The following CBLN3 variants were observed in gnomAD, a reference collection of about 807,000 sequenced individuals.
CBLN3 encodes cerebellin-3.
Under a neutral mutation model 17.4 loss-of-function variants are expected in CBLN3, and 14 were observed. The observed-to-expected ratio is 0.81, with a 90% confidence interval of 0.53 to 1.26. The LOEUF (loss-of-function observed/expected upper bound fraction) is 1.26, where lower values mean the gene tolerates loss of function less well. Ranked by LOEUF, CBLN3 falls within the 50% of genes most tolerant of loss-of-function variation. The probability of loss-of-function intolerance (pLI) is 0.00; values close to 1 mark genes in which losing one functional copy is unlikely to be tolerated. For synonymous variants in CBLN3, 129 were observed against 117.4 expected, an observed-to-expected ratio of 1.10 and a Z score of -0.64; for missense variants, 263 against 268.5, an observed-to-expected ratio of 0.98 and a Z score of 0.14.
chr14:24,428,823 G>A lies in CBLN3; in HGVS notation c.232C>T (p.Arg78Ter), dbSNP rs775718996. 15 of 1,612,676 alleles carry A rather than the reference G, an allele frequency of 9.3e-6. No individual in the cohort carries two copies. Among genetic ancestry groups the A allele is most frequent in the Non-Finnish European group, 1.3e-5 (15 of 1,179,456 alleles). ...CCTGCTGGCTCATGGTGGTGGCTTC[G>A]GACCGCAGCAAATGCCACTCGCCCA... ...PPGRVAFAAV[R>*]SHHHEPAGET... Residue 78 changes from arginine to a stop codon, truncating the protein, a stop_gained, in exon 1 of 3, where the codon CGA becomes TGA. Coordinates refer to ENST00000267406, the MANE Select transcript of CBLN3 (RefSeq NM_001039771.3). LOFTEE classifies it high-confidence loss of function.
Position 24,429,157 on chromosome 14 carries a change from C to T in CBLN3, c.-103G>A, listed in dbSNP as rs1176727807. 1.6e-6 allele frequency: 2 copies of T among 1,228,958 alleles called. No individual in the cohort carries two copies. Among genetic ancestry groups the T allele is most frequent in the African/African-American group, 1.5e-5 (1 of 65,636 alleles). 76.1% of individuals were successfully genotyped at this position (1,228,958 alleles called of 1,614,324 possible). On this transcript the variant is annotated 5_prime_UTR_variant, in exon 1 of 3. Transcript: ENST00000267406. ...ACCGCCGGCACCCTGATCGTCTGCC[C>T]TCTCTAGGCTCGCTGAACCCCCTCT...
In CBLN3 at chr14:24,428,941, G is replaced by A. The variant is rs371680375; in HGVS notation, c.114C>T (p.Pro38=). Residue 38 remains proline, a synonymous_variant, in exon 1 of 3, where the codon CCC becomes CCT. Transcript: ENST00000267406. ...GAGWAQEGSE[P]VLLEGECLVV... is the part of the protein sequence containing the mutation. ...CCAGGCACTCCCCCTCCAGCAGGAC[G>A]GGCTCTGACCCCTCCTGGGCCCACC... 15 of 1,554,626 alleles carry A rather than the reference G, an allele frequency of 9.6e-6. No individual in the cohort carries two copies. The highest frequency in any genetic ancestry group is 2.7e-5 in the African/African-American group (2 of 73,116).
chr14:24,429,408 G>C lies in CBLN3; in HGVS notation c.-354C>G, dbSNP rs966555658. The C allele has an allele frequency of 1.8e-6, 1 of 564,008 alleles. No individual in the cohort carries two copies. Among genetic ancestry groups the C allele is most frequent in the East Asian group, 4.2e-5 (1 of 23,784 alleles). 34.9% of individuals were successfully genotyped at this position (564,008 alleles called of 1,614,324 possible). On this transcript the variant is annotated 5_prime_UTR_variant, in exon 1 of 3. It introduces an in-frame stop codon into an upstream open reading frame of the 5' UTR. Transcript: ENST00000267406. The stretch of plus-strand genomic sequence containing the variant: ...TGGACCTGGGGGGATGGAGAACATG[G>C]TATGTGTGTGTGACGGGTGTGACAG...
At position 24,427,861 on chromosome 14, in the gene CBLN3, G is replaced by A; in HGVS notation, c.546C>T (p.Arg182=). The change falls in exon 3 of 3, where the codon CGC becomes CGT. Residue 182 remains arginine (R), a synonymous_variant. Transcript: ENST00000267406. The surrounding 1 kb of genome is among the most constrained non-coding windows in gnomAD (Gnocchi z 4.4). ...PLDPGDRVSL[R]LRRGNLLGGW... is the part of the protein sequence containing the mutation. ...CACCCAGTAGATTCCCCCGACGCAGGCGCAGAGACACTCGGTCCCCAGGGT... is the reference window on the plus strand; with the variant it reads ...CACCCAGTAGATTCCCCCGACGCAGACGCAGAGACACTCGGTCCCCAGGGT... 1 of 1,614,134 alleles carries A rather than the reference G, an allele frequency of 6.2e-7. No homozygotes were observed. Among genetic ancestry groups the A allele is most frequent in the East Asian group, 2.2e-5 (1 of 44,880 alleles).
At position 24,426,675 on chromosome 14, in the gene CBLN3, T is replaced by C. The variant is rs978450646; in HGVS notation, c.*1114A>G. 5.9e-5 allele frequency: 9 copies of C among 152,194 alleles called. No individual in the cohort carries two copies. Among genetic ancestry groups the C allele is most frequent in the African/African-American group, 2.2e-4 (9 of 41,446 alleles). 9.4% of individuals were successfully genotyped at this position (152,194 alleles called of 1,614,324 possible). ...TGTCTCACTGACCACCATTCTCTAG[T>C]TGTTTTATTGATAGATTCATCCAGG... On this transcript the variant is annotated 3_prime_UTR_variant, in exon 3 of 3. Coordinates refer to ENST00000267406, the MANE Select transcript of CBLN3 (RefSeq NM_001039771.3).
Position 24,427,812 on chromosome 14 carries a change from C to G in CBLN3, c.595G>C (p.Gly199Arg). The change falls in exon 3 of 3, where the codon GGC becomes CGC. Residue 199 changes from glycine (G) to arginine (R), a missense_variant. By Grantham distance (125) the Gly-to-Arg change is moderately radical. Transcript: ENST00000267406. The surrounding 1 kb of genome is among the most constrained non-coding windows in gnomAD (Gnocchi z 4.4). ...CCTCAGAGAGGGAAGATGAGGAAGC[C>G]AGAGAAACTTGAGTATTTCCAACCA... ...LGGWKYSSFS[G>R]FLIFPL The G allele has an allele frequency of 6.2e-7, 1 of 1,614,066 alleles. No homozygotes were observed. Among genetic ancestry groups the G allele is most frequent in the Non-Finnish European group, 8.5e-7 (1 of 1,179,986 alleles).
chr14:24,427,932 C>T lies in CBLN3; in HGVS notation c.475G>A (p.Asp159Asn), dbSNP rs1325670561. Residue 159 changes from aspartate to asparagine, a missense_variant, in exon 3 of 3, where the codon GAC becomes AAC. Transcript: ENST00000267406. The surrounding 1 kb of genome is among the most constrained non-coding windows in gnomAD (Gnocchi z 4.4). ...PVISAFANDPDVTREAATSSV... is the reference protein window; with the variant it reads ...PVISAFANDPNVTREAATSSV... Reference sequence around the variant, plus strand: ...CTGGTGGCTGCCTCCCGGGTCACGTCAGGATCATTGGCAAAGGCTGAGATG... The same window carrying T: ...CTGGTGGCTGCCTCCCGGGTCACGTTAGGATCATTGGCAAAGGCTGAGATG... 1 of 1,613,908 alleles carries T rather than the reference C, an allele frequency of 6.2e-7. No homozygotes were observed. Among genetic ancestry groups the T allele is most frequent in the Non-Finnish European group, 8.5e-7 (1 of 1,179,914 alleles).
rs2043036124 is a variant in CBLN3, at chr14:24,427,891, G to A, written c.516C>T (p.Pro172=). The change falls in exon 3 of 3, where the codon CCC becomes CCT. Residue 172 remains proline (P), a synonymous_variant. Coordinates refer to ENST00000267406, the MANE Select transcript of CBLN3 (RefSeq NM_001039771.3). This position sits in a 1 kb window ranked among gnomAD's most constrained non-coding sequence, Gnocchi z 4.4. The part of the protein sequence containing the change: ...REAATSSVLL[P]LDPGDRVSLR... ...GAGACACTCGGTCCCCAGGGTCCAA[G>A]GGCAGTAGCACAGAGCTGGTGGCTG... 1 of 1,614,120 alleles carries A rather than the reference G, an allele frequency of 6.2e-7. No individual in the cohort carries two copies. The highest frequency in any genetic ancestry group is 1.3e-5 in the African/African-American group (1 of 75,026).
chr14:24,429,011 C>A lies in CBLN3; in HGVS notation c.44G>T (p.Ser15Ile). 2 of 1,545,912 alleles carry A rather than the reference C, an allele frequency of 1.3e-6. No individual in the cohort carries two copies. The highest frequency in any genetic ancestry group is 1.7e-6 in the Non-Finnish European group (2 of 1,143,842). Residue 15 changes from serine to isoleucine, a missense_variant, in exon 1 of 3, where the codon AGT (serine) becomes ATT (isoleucine). Coordinates refer to ENST00000267406, the MANE Select transcript of CBLN3 (RefSeq NM_001039771.3). Reference protein sequence around the residue: ...KPHWLPGPLHSPGLPLVLVLL... With the variant: ...KPHWLPGPLHIPGLPLVLVLL... ...CACCAGAACCAAGGGCAGCCCGGGA[C>A]TGTGTAGGGGACCTGGTAGCCAGTG...
Position 24,428,398 on chromosome 14 carries a change from A to G in CBLN3, c.308T>C (p.Val103Ala), listed in dbSNP as rs1566493457. ...SGAIYFDQVL[V>A]NEGGGFDRAS... is the part of the protein sequence containing the mutation. ...CCGGTCAAAGCCACCGCCCTCGTTCACCAGGACCTGGGGGAAGCAGAGCCT... is the reference window on the plus strand; with the variant it reads ...CCGGTCAAAGCCACCGCCCTCGTTCGCCAGGACCTGGGGGAAGCAGAGCCT... Residue 103 changes from valine to alanine, a missense_variant, in exon 2 of 3, where the codon GTG becomes GCG. Coordinates refer to ENST00000267406, the MANE Select transcript of CBLN3 (RefSeq NM_001039771.3). The G allele has an allele frequency of 1.2e-6, 2 of 1,613,816 alleles. No individual in the cohort carries two copies. Among genetic ancestry groups the G allele is most frequent in the Non-Finnish European group, 1.7e-6 (2 of 1,179,888 alleles).
Position 24,427,997 on chromosome 14 carries a change from G to T in CBLN3, c.421-11C>A. ...CAGCATCAGGCTCACCTGGGGAGGG[G>T]AGCCCAGTTAGCCCCCATTCCCCAG... On this transcript the variant is annotated splice_polypyrimidine_tract_variant and intron_variant, in intron 2 of 2. Transcript: ENST00000267406. This position sits in a 1 kb window ranked among gnomAD's most constrained non-coding sequence, Gnocchi z 4.4. 6.2e-7 allele frequency: 1 copy of T among 1,611,250 alleles called. No homozygotes were observed.
chr14:24,428,204 T>G (rs2043042426), intron 2 of CBLN3, 82 bp downstream of exon 2: 1 of 1,559,170 alleles, frequency 6.4e-7, no homozygotes, highest in Non-Finnish European at 8.7e-7. Context: ...CAATGGAGAG[T>G]CCACCCGGAG....
rs773414234 is a variant in CBLN3, at chr14:24,428,985, G to A, written c.70C>T (p.Leu24Phe). 5.2e-6 allele frequency: 8 copies of A among 1,550,436 alleles called. No individual in the cohort carries two copies. The highest frequency in any genetic ancestry group is 8.7e-7 in the Non-Finnish European group (1 of 1,146,656). The stretch of plus-strand genomic sequence containing the variant: ...GCCCACCCGGCCCCCAGGGCCAGAA[G>A]CACCAGAACCAAGGGCAGCCCGGGA... ...HSPGLPLVLV[L>F]LALGAGWAQE... Residue 24 changes from leucine to phenylalanine, a missense_variant, in exon 1 of 3, where the codon CTT becomes TTT. Leu to Phe is a conservative substitution (Grantham distance 22, BLOSUM62 0). Coordinates refer to ENST00000267406, the MANE Select transcript of CBLN3 (RefSeq NM_001039771.3).
In CBLN3 at chr14:24,429,577, G is replaced by T; in HGVS notation, c.-523C>A. 4 of 603,788 alleles carry T rather than the reference G, an allele frequency of 6.6e-6. No homozygotes were observed. Among genetic ancestry groups the T allele is most frequent in the South Asian group, 5.4e-5 (3 of 55,406 alleles). The allele number at this position is 603,788 out of a possible 1,614,324, so 37.4% of individuals were successfully genotyped here. On this transcript the variant is annotated 5_prime_UTR_variant, in exon 1 of 3. Transcript: ENST00000267406. ...GGAAGAAAGGGGTACTCCACCACGG[G>T]TACCCTCCGCCTCCCGCCTCCCGCC...
In CBLN3 at chr14:24,427,379, G is replaced by A. The variant is rs925433829; in HGVS notation, c.*410C>T. ...GGAAGAAGCCTGCAGGGTACGCTGA[G>A]GCTTGTCCATCTGGGCTCCTGTGGG... On this transcript the variant is annotated 3_prime_UTR_variant, in exon 3 of 3. Coordinates refer to ENST00000267406, the MANE Select transcript of CBLN3 (RefSeq NM_001039771.3). The surrounding 1 kb of genome is among the most constrained non-coding windows in gnomAD (Gnocchi z 4.4). The A allele has an allele frequency of 4.7e-6, 1 of 211,422 alleles. No individual in the cohort carries two copies. Among genetic ancestry groups the A allele is most frequent in the East Asian group, 1.4e-4 (1 of 7,250 alleles). The allele number at this position is 211,422 out of a possible 1,614,324, so 13.1% of individuals were successfully genotyped here.
Position 24,429,020 on chromosome 14 carries a change from G to C in CBLN3, c.35C>G (p.Pro12Arg). Residue 12 changes from proline (P) to arginine (R), a missense_variant, in exon 1 of 3, where the codon CCC becomes CGC. By Grantham distance (103) the Pro-to-Arg change is moderately radical. Coordinates refer to ENST00000267406, the MANE Select transcript of CBLN3 (RefSeq NM_001039771.3). ...CAAGGGCAGCCCGGGACTGTGTAGGGGACCTGGTAGCCAGTGTGGCTTGGC... is the reference window on the plus strand; with the variant it reads ...CAAGGGCAGCCCGGGACTGTGTAGGCGACCTGGTAGCCAGTGTGGCTTGGC... ...LGAKPHWLPG[P>R]LHSPGLPLVL... 6.5e-7 allele frequency: 1 copy of C among 1,529,212 alleles called. No individual in the cohort carries two copies. Among genetic ancestry groups the C allele is most frequent in the Non-Finnish European group, 8.8e-7 (1 of 1,133,450 alleles). 94.7% of individuals were successfully genotyped at this position (1,529,212 alleles called of 1,614,324 possible).
chr14:24,428,103 A>G, intron 2 of CBLN3, 117 bp from the exon 3 acceptor site: 3 of 1,332,534 alleles, frequency 2.3e-6, no homozygotes, highest in Admixed American at 2.0e-5. Context: ...GGGAGGGCTG[A>G]GGGGCGGCCA....
In CBLN3 at chr14:24,428,986, C is replaced by A; in HGVS notation, c.69G>T (p.Val23=). The A allele has an allele frequency of 6.4e-7, 1 of 1,550,418 alleles. No homozygotes were observed. Among genetic ancestry groups the A allele is most frequent in the Non-Finnish European group, 8.7e-7 (1 of 1,146,558 alleles). ...LHSPGLPLVL[V]LLALGAGWAQ... ...CCCACCCGGCCCCCAGGGCCAGAAGCACCAGAACCAAGGGCAGCCCGGGAC... is the reference window on the plus strand; with the variant it reads ...CCCACCCGGCCCCCAGGGCCAGAAGAACCAGAACCAAGGGCAGCCCGGGAC... The change falls in exon 1 of 3, where the codon GTG becomes GTT. Residue 23 remains valine (V), a synonymous_variant. Coordinates refer to ENST00000267406, the MANE Select transcript of CBLN3 (RefSeq NM_001039771.3).
chr14:24,427,476 A>G lies in CBLN3; in HGVS notation c.*313T>C, dbSNP rs1040660855. On this transcript the variant is annotated 3_prime_UTR_variant, in exon 3 of 3. Transcript: ENST00000267406. This position sits in a 1 kb window ranked among gnomAD's most constrained non-coding sequence, Gnocchi z 4.4. ...CAGGAAGCTGGGGTGGGGGAACCGG[A>G]GGAGCAGAGGCCGCAAAGTAGTGCA... The G allele has an allele frequency of 3.1e-6, 1 of 327,642 alleles. No individual in the cohort carries two copies. The highest frequency in any genetic ancestry group is 7.5e-5 in the East Asian group (1 of 13,270). 20.3% of individuals were successfully genotyped at this position (327,642 alleles called of 1,614,324 possible).
Sources: gnomAD v4.1 joint callset for allele counts on GRCh38, gnomAD v4.1.1 for gene constraint, Gnocchi (gnomAD v3.1) non-coding constraint, MANE v1.5 for transcripts, NCBI Gene and HGNC (gene_info 2026-07-23, HGNC 2026-07-21) for gene names.